The following GALNT7 variants were observed in gnomAD, a reference collection of about 807,000 sequenced individuals.
GALNT7 encodes polypeptide N-acetylgalactosaminyltransferase 7.
GALNT7 carries 60 observed loss-of-function variants against 82.1 expected under a neutral mutation model. That is an observed-to-expected ratio of 0.73 (90% CI 0.59 to 0.91). The LOEUF (loss-of-function observed/expected upper bound fraction) is 0.91, where lower values mean the gene tolerates loss of function less well. Among genes scored for constraint, GALNT7 ranks in the 40% least tolerant of loss-of-function variants. GALNT7 has a pLI of 0.00. For synonymous variants in GALNT7, 243 were observed against 275.1 expected, an observed-to-expected ratio of 0.88 and a Z score of 1.15; for missense variants, 660 against 804.2, an observed-to-expected ratio of 0.82 and a Z score of 2.17.
At position 173,228,677 on chromosome 4, in the gene GALNT7, G is replaced by A. The variant is rs1345686030; in HGVS notation, c.127-19303G>A. 2.6e-5 allele frequency among the ~76,000 whole-genome samples: 4 copies of A among 151,670 alleles called. No individual in the cohort carries two copies. The Admixed American group carries it at 2.6e-4, about 10-fold the overall frequency. Reference sequence around the variant, plus strand: ...AGATTTTGATACTCACAGCCAGATGGCTTTACAAAAAAAACTCTACCAACA... The same window carrying A: ...AGATTTTGATACTCACAGCCAGATGACTTTACAAAAAAAACTCTACCAACA... On this transcript the variant is annotated intron_variant, in intron 1 of 11. Transcript: ENST00000265000.
At chr4:173,244,641 G>A (rs748316549) in intron 1 of GALNT7, among the ~76,000 whole-genome samples, 1 of 152,192 alleles carries the variant, frequency 6.6e-6, no homozygotes, top group African/African-American at 2.4e-5. Context: ...GTTAATGTAT[G>A]TGAAGCACTT....
rs532755848 is a variant in GALNT7 at position 173,259,838 on chromosome 4, T to C, written c.587+11398T>C. On this transcript the variant is annotated intron_variant, in intron 2 of 11. Coordinates refer to ENST00000265000, the MANE Select transcript of GALNT7 (RefSeq NM_017423.3). The stretch of plus-strand genomic sequence containing the variant: ...TTTTTAGCAGAGACGGGGTTTTGCC[T>C]TGTTGGCCAGGCTGGTCTCGAACTC... 1.4e-3 allele frequency among the ~76,000 whole-genome samples: 208 copies of C among 152,100 alleles called. 2 individuals carry two copies. Among genetic ancestry groups the C allele is most frequent in the African/African-American group, 4.5e-3 (187 of 41,510 alleles).
Position 173,298,180 on chromosome 4 carries a change from G to A in GALNT7, c.1031G>A (p.Gly344Glu). 2 of 1,613,972 alleles carry A rather than the reference G, an allele frequency of 1.2e-6. No homozygotes were observed. Among genetic ancestry groups the A allele is most frequent in the East Asian group, 2.2e-5 (1 of 44,874 alleles). ...AACACATATGAAATTATACCCCAAG[G>A]GGGTGGTGATGAAGATGGGTATGCC... Reference protein sequence around the residue: ...NGNTYEIIPQGGGDEDGYARG... With the variant: ...NGNTYEIIPQEGGDEDGYARG... Residue 344 changes from glycine (G) to glutamate (E), a missense_variant, in exon 6 of 12, where the codon GGG becomes GAG. Physicochemically the swap from Gly to Glu is moderately conservative, Grantham distance 98. Around this residue, in one of 2 missense-constraint regions of GALNT7, gnomAD observed 527 missense variants for 683.5 expected, o/e 0.77. Coordinates refer to ENST00000265000, the MANE Select transcript of GALNT7 (RefSeq NM_017423.3).
chr4:173,280,416 A>G (rs1397029801), intron 2 of GALNT7, among the ~76,000 whole-genome samples: 1 of 151,846 alleles, frequency 6.6e-6, no homozygotes, highest in African/African-American at 2.4e-5. Context: ...TATTTTTGAA[A>G]TCTATTTTTT....
chr4:173,266,868 G>GGGGT (rs1198187336), intron 2 of GALNT7, among the ~76,000 whole-genome samples: 83 of 95,130 alleles, frequency 8.7e-4, no homozygotes, highest in Admixed American at 1.2e-3. Flanking sequence ...GGCTGGGAAG[G>GGGGT]GTGTGTGTGT....
intron 1 of GALNT7, among the ~76,000 whole-genome samples, chr4:173,181,008 G>T (rs1000870333): frequency 7.9e-5 from 12 of 152,272 alleles, no homozygotes; most frequent in African/African-American, 2.9e-4. Context: ...TTGCCAGGAT[G>T]ATTTAAAATG....
chr4:173,216,725 A>ATTTTTTTTT (rs1277080433), intron 1 of GALNT7, among the ~76,000 whole-genome samples: 153 of 8,422 alleles, frequency 0.018, 1 homozygote, highest in Non-Finnish European at 0.076. Context: ...ATATATATAT[A>ATTTTTTTTT]TATTTTTTTT....
intron 1 of GALNT7, among the ~76,000 whole-genome samples, chr4:173,244,232 A>G (rs1346715284): frequency 1.3e-5 from 2 of 152,114 alleles, no homozygotes; most frequent in Non-Finnish European, 2.9e-5. Context: ...TTACTACTTA[A>G]CCCTTTGAAG....
chr4:173,259,394 A>G (rs1735171267), intron 2 of GALNT7, among the ~76,000 whole-genome samples: 3 of 151,340 alleles, frequency 2.0e-5, no homozygotes, highest in Admixed American at 6.6e-5. Flanking sequence ...TCATGGATGC[A>G]TTTATAACTC....
At chr4:173,210,540 G>A (rs1426561536) in intron 1 of GALNT7, among the ~76,000 whole-genome samples, 1 of 151,984 alleles carries the variant, frequency 6.6e-6, no homozygotes, top group African/African-American at 2.4e-5. Context: ...TGCAGCTGCC[G>A]CCTCCCGAGT....
At chr4:173,297,234 A>G (rs1736747305) in intron 5 of GALNT7, among the ~76,000 whole-genome samples, 1 of 151,272 alleles carries the variant, frequency 6.6e-6, no homozygotes, top group Non-Finnish European at 1.5e-5. Context: ...TAAAGCAACA[A>G]TACCTTTTTT....
At chr4:173,273,633 G>A (rs189313173) in intron 2 of GALNT7, among the ~76,000 whole-genome samples, 20 of 152,246 alleles carry the variant, frequency 1.3e-4, no homozygotes, top group Non-Finnish European at 2.4e-4. Context: ...GGGGTGGTGC[G>A]TTCATAGTGT....
At chr4:173,175,215 CTAAAT>C (rs754113624) in intron 1 of GALNT7, among the ~76,000 whole-genome samples, 137 of 152,168 alleles carry the variant, frequency 9.0e-4, no homozygotes, top group Non-Finnish European at 1.2e-3. Context: ...TGAAAAGTAA[CTAAAT>C]TAAAGATTTC....
chr4:173,244,330 T>A (rs562583567), intron 1 of GALNT7, among the ~76,000 whole-genome samples: 63 of 152,284 alleles, frequency 4.1e-4, no homozygotes, highest in Non-Finnish European at 7.2e-4. Context: ...GCCAACCCCC[T>A]TGAGGAGTGT....
chr4:173,277,794 AAGAC>A (rs895278087), intron 2 of GALNT7, among the ~76,000 whole-genome samples: 1 of 152,252 alleles, frequency 6.6e-6, no homozygotes. Flanking sequence ...TATGAGAAGA[AAGAC>A]AGATGTGCAA....
chr4:173,180,174 T>A (rs1267798745), intron 1 of GALNT7, among the ~76,000 whole-genome samples: 2 of 152,126 alleles, frequency 1.3e-5, no homozygotes, highest in Non-Finnish European at 2.9e-5. Context: ...ATAAACATTT[T>A]AAAAATGACA....
chr4:173,308,581 C>T (rs950531555), intron 8 of GALNT7, among the ~76,000 whole-genome samples: 1 of 152,116 alleles, frequency 6.6e-6, no homozygotes, highest in Non-Finnish European at 1.5e-5. Context: ...TGTATTCTGC[C>T]TCCATATTCT....
intron 1 of GALNT7, among the ~76,000 whole-genome samples, chr4:173,220,905 T>G (rs1368381222): frequency 6.6e-6 from 1 of 152,112 alleles, no homozygotes; most frequent in Non-Finnish European, 1.5e-5. Flanking sequence ...CTATCATTGT[T>G]GGACATTTGG....
At chr4:173,178,007 CTGTGTGTGTG>C (rs70944437) in intron 1 of GALNT7, among the ~76,000 whole-genome samples, 1,517 of 137,764 alleles carry the variant, frequency 0.011, 23 homozygotes, top group African/African-American at 0.027. Flanking sequence ...ATCCGCAAGT[CTGTGTGTGTG>C]TGTGTGTGTG....
Sources: gnomAD v4.1 joint callset for allele counts (sites outside exome capture counted in the v4.1 genomes callset) on GRCh38, gnomAD v4.1.1 for gene constraint, gnomAD v4.1.1 regional missense constraint, MANE v1.5 for transcripts, NCBI Gene and HGNC (gene_info 2026-07-23, HGNC 2026-07-21) for gene names.